The following CPSF2 variants were observed in gnomAD, a reference collection of about 807,000 sequenced individuals.
CPSF2 encodes cleavage and polyadenylation specificity factor subunit 2.
Under a neutral mutation model 84.2 loss-of-function variants are expected in CPSF2, and 51 were observed. That is an observed-to-expected ratio of 0.61 (90% CI 0.48 to 0.77). The LOEUF (loss-of-function observed/expected upper bound fraction) is 0.77, where lower values mean the gene tolerates loss of function less well. Among genes scored for constraint, CPSF2 ranks in the 30% least tolerant of loss-of-function variants. The probability of loss-of-function intolerance (pLI) is 0.00; values close to 1 mark genes in which losing one functional copy is unlikely to be tolerated. For missense variants in CPSF2, 641 were observed against 929.4 expected (o/e 0.69, Z 4.03); for synonymous variants, 286 against 311.9 (o/e 0.92, Z 0.87).
intron 6 of CPSF2, among the ~76,000 whole-genome samples, chr14:92,136,095 C>T (rs923740829): frequency 2.0e-5 from 3 of 152,178 alleles, no homozygotes; most frequent in African/African-American, 7.2e-5. Context: ...TGAAAGGGAA[C>T]TCAATTCTAG....
intron 11 of CPSF2, 145 bp from the exon 12 acceptor site, chr14:92,156,334 A>G (rs1389479174): frequency 3.2e-6 from 2 of 634,166 alleles, no homozygotes; most frequent in Admixed American, 2.8e-5. Context: ...GGTAATTGAT[A>G]TGAAATTGCA....
intron 2 of CPSF2, among the ~76,000 whole-genome samples, chr14:92,130,144 A>G (rs1304180480): frequency 6.6e-6 from 1 of 152,190 alleles, no homozygotes; most frequent in Non-Finnish European, 1.5e-5. Flanking sequence ...ATCAGGTTCT[A>G]TTTAGGGAGT....
intron 11 of CPSF2, among the ~76,000 whole-genome samples, chr14:92,155,761 C>A: frequency 8.1e-6 from 1 of 123,018 alleles, no homozygotes. Flanking sequence ...AGACCCCCAT[C>A]TCTATCTTTA....
At chr14:92,154,895 A>G (rs1305709871) in intron 10 of CPSF2, among the ~76,000 whole-genome samples, 6 of 152,226 alleles carry the variant, frequency 3.9e-5, no homozygotes, top group East Asian at 1.9e-4. Flanking sequence ...TTGTAACACA[A>G]TGTTAAGTAT....
At position 92,171,377 on chromosome 14, in the gene CPSF2, A is replaced by G. The variant is rs1450011631; in HGVS notation, c.*9633A>G. The G allele has an allele frequency of 6.6e-6, 1 of 152,134 alleles. No homozygotes were observed. The highest frequency in any genetic ancestry group is 1.5e-5 in the Non-Finnish European group (1 of 68,036). 9.4% of individuals were successfully genotyped at this position (152,134 alleles called of 1,614,324 possible). ...AGTATAGAACATGGGTCCCTGTTTTATCATCTGTAAGTTATGATTTATTTT... is the reference window on the plus strand; with the variant it reads ...AGTATAGAACATGGGTCCCTGTTTTGTCATCTGTAAGTTATGATTTATTTT... On this transcript the variant is annotated 3_prime_UTR_variant, in exon 16 of 16. Coordinates refer to ENST00000298875, the MANE Select transcript of CPSF2 (RefSeq NM_017437.3).
chr14:92,122,133 G>T lies in CPSF2; in HGVS notation c.-94+5G>T, dbSNP rs1226814581. ...CGTTGGGGGAGGCCTGACGAGGCAA[G>T]TGAGGGCGGGAGAAAGGAGCGAGCC... On this transcript the variant is annotated splice_donor_5th_base_variant and intron_variant, in intron 1 of 15. Coordinates refer to ENST00000298875, the MANE Select transcript of CPSF2 (RefSeq NM_017437.3). The T allele has an allele frequency of 2.6e-6, 1 of 381,568 alleles. No individual in the cohort carries two copies. Among genetic ancestry groups the T allele is most frequent in the Non-Finnish European group, 5.0e-6 (1 of 201,294 alleles). 23.6% of individuals were successfully genotyped at this position (381,568 alleles called of 1,614,324 possible). A position where few individuals can be genotyped will look rare whatever the true frequency, so the allele number is the denominator to read the frequency against.
At chr14:92,137,853 G>A (rs2069020296) in intron 6 of CPSF2, among the ~76,000 whole-genome samples, 1 of 152,052 alleles carries the variant, frequency 6.6e-6, no homozygotes, top group African/African-American at 2.4e-5. Flanking sequence ...TAAAAACCAG[G>A]ATATAGAACT....
intron 7 of CPSF2, among the ~76,000 whole-genome samples, chr14:92,139,005 C>T (rs936337418): frequency 3.3e-5 from 5 of 152,082 alleles, no homozygotes; most frequent in African/African-American, 1.2e-4. Flanking sequence ...TTTTGTGGAA[C>T]AGTGTGTAAA....
Position 92,138,337 on chromosome 14 carries a change from G to T in CPSF2, c.651G>T (p.Glu217Asp). The stretch of plus-strand genomic sequence containing the variant: ...AGCCTAGAAGAAAACAGAGAGATGA[G>T]CAGCTTCTGAGTACGTATTCTTTCA... ...YVQPRRKQRD[E>D]QLLTNVLETL... The change falls in exon 7 of 16, where the codon GAG becomes GAT. Residue 217 changes from glutamate (E) to aspartate (D), a missense_variant. Coordinates refer to ENST00000298875, the MANE Select transcript of CPSF2 (RefSeq NM_017437.3). The T allele has an allele frequency of 6.5e-7, 1 of 1,543,834 alleles. No individual in the cohort carries two copies. The highest frequency in any genetic ancestry group is 8.8e-7 in the Non-Finnish European group (1 of 1,136,656).
chr14:92,158,068 GAGA>G (rs1325966959), intron 13 of CPSF2, among the ~76,000 whole-genome samples, 184 bp downstream of exon 13: 6 of 152,178 alleles, frequency 3.9e-5, no homozygotes, highest in Admixed American at 2.6e-4. Context: ...GTGCCACTGA[GAGA>G]AGAAGTACAG....
intron 14 of CPSF2, among the ~76,000 whole-genome samples, chr14:92,159,990 T>A (rs1416780988): frequency 6.6e-6 from 1 of 151,674 alleles, no homozygotes; most frequent in Non-Finnish European, 1.5e-5. Flanking sequence ...TGAGATGGAG[T>A]CTCGCTCTGT....
At position 92,171,310 on chromosome 14, in the gene CPSF2, G is replaced by A. The variant is rs1245252662; in HGVS notation, c.*9566G>A. On this transcript the variant is annotated 3_prime_UTR_variant, in exon 16 of 16. Coordinates refer to ENST00000298875, the MANE Select transcript of CPSF2 (RefSeq NM_017437.3). ...CCAGATTATTTTTAAAGTTTTTGTA[G>A]AAACGGGGTCTCTTCTTCCCCATTT... The A allele has an allele frequency of 6.6e-6, 1 of 152,090 alleles. No homozygotes were observed. The highest frequency in any genetic ancestry group is 1.9e-4 in the East Asian group (1 of 5,194). The allele number at this position is 152,090 out of a possible 1,614,324, so 9.4% of individuals were successfully genotyped here.
chr14:92,147,142 C>T (rs2141470618), intron 9 of CPSF2, among the ~76,000 whole-genome samples: 1 of 152,228 alleles, frequency 6.6e-6, no homozygotes, highest in African/African-American at 2.4e-5. Context: ...TTTGGTATCC[C>T]TAGCACCCAG....
rs951812836 is a variant in CPSF2 at position 92,172,002 on chromosome 14, C to T, written c.*10258C>T. 2.0e-5 allele frequency: 3 copies of T among 152,296 alleles called. No individual in the cohort carries two copies. The highest frequency in any genetic ancestry group is 1.3e-4 in the Admixed American group (2 of 15,294). The allele number at this position is 152,296 out of a possible 1,614,324, so 9.4% of individuals were successfully genotyped here. ...GTGAGGACCAAGTTTCCTCCCTTTC[C>T]TCGATCCATGACAGCACCTGCCAGT... On this transcript the variant is annotated 3_prime_UTR_variant, in exon 16 of 16. Transcript: ENST00000298875.
intron 5 of CPSF2, 59 bp downstream of exon 5, chr14:92,134,414 T>C (rs1419315180): frequency 1.7e-6 from 2 of 1,155,820 alleles, no homozygotes; most frequent in African/African-American, 3.1e-5. Flanking sequence ...TGCTGGAAAA[T>C]ACCGAGGAGA....
intron 11 of CPSF2, among the ~76,000 whole-genome samples, chr14:92,156,245 G>A (rs953768513): frequency 3.9e-5 from 6 of 152,022 alleles, no homozygotes; most frequent in Admixed American, 1.3e-4. Context: ...CCGAGATGGC[G>A]CCACCACACT....
intron 13 of CPSF2, among the ~76,000 whole-genome samples, chr14:92,158,222 G>A (rs867946731): frequency 1.3e-4 from 20 of 152,304 alleles, no homozygotes; most frequent in African/African-American, 2.6e-4. Context: ...GGGGAAGAGC[G>A]TTCTAGGCAG....
At position 92,130,932 on chromosome 14, in the gene CPSF2, T is replaced by C; in HGVS notation, c.-34-19T>C. The C allele has an allele frequency of 4.0e-6, 6 of 1,501,176 alleles. No individual in the cohort carries two copies. The highest frequency in any genetic ancestry group is 5.5e-6 in the Non-Finnish European group (6 of 1,100,494). The allele number at this position is 1,501,176 out of a possible 1,614,324, so 93.0% of individuals were successfully genotyped here. A position where few individuals can be genotyped will look rare whatever the true frequency, so the allele number is the denominator to read the frequency against. On this transcript the variant is annotated intron_variant, in intron 2 of 15. Coordinates refer to ENST00000298875, the MANE Select transcript of CPSF2 (RefSeq NM_017437.3). The stretch of plus-strand genomic sequence containing the variant: ...GACTGTGCTTTTATGTTTAATTATG[T>C]TTTCATTTCATTTGAAAGACTCTTC...
intron 7 of CPSF2, among the ~76,000 whole-genome samples, chr14:92,139,950 A>AT (rs34354391): frequency 0.15 from 14,321 of 97,084 alleles, 2,057 homozygotes; most frequent in East Asian, 0.35. Flanking sequence ...AAGTACAACT[A>AT]TTTTTTTTTT....
Sources: gnomAD v4.1 joint callset for allele counts (sites outside exome capture counted in the v4.1 genomes callset) on GRCh38, gnomAD v4.1.1 for gene constraint, MANE v1.5 for transcripts, NCBI Gene and HGNC (gene_info 2026-07-23, HGNC 2026-07-21) for gene names.